The following RLN2 variants were observed in gnomAD, a reference collection of about 807,000 sequenced individuals.
RLN2 encodes the protein prorelaxin H2.
RLN2 carries 10 observed loss-of-function variants against 7.3 expected under a neutral mutation model. The ratio of observed to expected loss-of-function variants is 1.36; its 90% CI spans 0.84 to 2.31. The LOEUF (loss-of-function observed/expected upper bound fraction) is 2.31. RLN2 is among the 30% of genes most tolerant of loss of function. The pLI is 0.00. For synonymous variants in RLN2, 103 were observed against 82.3 expected (o/e 1.25, Z -1.36); for missense variants, 298 against 217.6 (o/e 1.37, Z -2.32).
At chr9:5,302,700 C>G (rs1244097042) in intron 1 of RLN2, among the ~76,000 whole-genome samples, 1 of 152,106 alleles carries the variant, frequency 6.6e-6, no homozygotes, top group Non-Finnish European at 1.5e-5. Context: ...GTATTTTCAG[C>G]AACAATTTAG....
chr9:5,316,865 C>T, the RLN2 span, among the ~76,000 whole-genome samples: 1 of 151,940 alleles, frequency 6.6e-6, no homozygotes, highest in Non-Finnish European at 1.5e-5. Context: ...TGAGGAGTCA[C>T]CACACTGTCT....
chr9:5,335,473 T>C, the RLN2 span: 1 of 1,613,556 alleles, frequency 6.2e-7, no homozygotes, highest in East Asian at 2.2e-5. Flanking sequence ...CATACTGCTG[T>C]AGCTCTGGTA....
the RLN2 span, chr9:5,311,685 A>G: frequency 1.6e-6 from 2 of 1,275,674 alleles, no homozygotes; most frequent in South Asian, 1.2e-5. Flanking sequence ...GACCAGGCAC[A>G]GAAAGCCGAA....
the RLN2 span, among the ~76,000 whole-genome samples, chr9:5,319,376 G>C: frequency 3.0e-4 from 46 of 151,898 alleles, 1 homozygote; most frequent in Non-Finnish European, 4.9e-4. Flanking sequence ...TGGCTCAGGT[G>C]CAGGGAAATG....
the RLN2 span, among the ~76,000 whole-genome samples, chr9:5,337,217 C>G: frequency 6.6e-6 from 1 of 151,902 alleles, no homozygotes; most frequent in African/African-American, 2.4e-5. Context: ...TAGTTGCAGT[C>G]TTATTAAATG....
chr9:5,312,888 T>C, the RLN2 span, among the ~76,000 whole-genome samples: 2 of 152,090 alleles, frequency 1.3e-5, no homozygotes, highest in African/African-American at 4.8e-5. Flanking sequence ...CTGCAATTCC[T>C]TCTCCAAATT....
At chr9:5,300,572 A>T in intron 1 of RLN2, 128 bp from the exon 2 acceptor site, 1 of 646,678 alleles carries the variant, frequency 1.5e-6, no homozygotes, top group East Asian at 2.7e-5. Context: ...GAAACAAAAT[A>T]AGCAAGCATC....
the RLN2 span, among the ~76,000 whole-genome samples, chr9:5,335,868 T>C: frequency 6.1e-4 from 92 of 152,032 alleles, 1 homozygote; most frequent in Admixed American, 1.3e-3. Flanking sequence ...ATCATAGTAC[T>C]TTTGACTCTC....
the RLN2 span, among the ~76,000 whole-genome samples, chr9:5,328,821 C>G: frequency 6.6e-6 from 1 of 151,976 alleles, no homozygotes; most frequent in Non-Finnish European, 1.5e-5. Context: ...AATCTCATAT[C>G]CAGCCAAACT....
upstream of RLN2, among the ~76,000 whole-genome samples, chr9:5,308,439 A>G (rs1187061560): frequency 6.6e-6 from 1 of 151,926 alleles, no homozygotes; most frequent in African/African-American, 2.4e-5. Context: ...TTCAAAAACA[A>G]AAACAAAACA....
At chr9:5,311,432 C>A in the RLN2 span, 18 of 568,422 alleles carry the variant, frequency 3.2e-5, no homozygotes, top group East Asian at 4.6e-4. Context: ...TTAAGTACAT[C>A]ACCACTGCCA....
the RLN2 span, among the ~76,000 whole-genome samples, chr9:5,321,291 G>T: frequency 3.3e-5 from 5 of 152,038 alleles, no homozygotes; most frequent in African/African-American, 7.3e-5. Flanking sequence ...TTTCTTCCAG[G>T]TAAGATCAAA....
chr9:5,300,524 T>C (rs909339480), intron 1 of RLN2, 80 bp from the exon 2 acceptor site: 10 of 935,002 alleles, frequency 1.1e-5, no homozygotes, highest in Non-Finnish European at 1.6e-5. Context: ...AATGTTTGCA[T>C]AGACAAAAAA....
At chr9:5,315,664 A>G in the RLN2 span, among the ~76,000 whole-genome samples, 3 of 152,076 alleles carry the variant, frequency 2.0e-5, no homozygotes, top group Non-Finnish European at 1.5e-5. Flanking sequence ...AAACTGTCAA[A>G]AGCCGAAGAC....
At chr9:5,315,117 C>A in the RLN2 span, among the ~76,000 whole-genome samples, 1 of 151,160 alleles carries the variant, frequency 6.6e-6, no homozygotes, top group Non-Finnish European at 1.5e-5. Flanking sequence ...CAGTAACTGA[C>A]CCCAAAGAAA....
chr9:5,323,665 C>G, the RLN2 span, among the ~76,000 whole-genome samples: 1 of 151,894 alleles, frequency 6.6e-6, no homozygotes, highest in East Asian at 1.9e-4. Flanking sequence ...AATATCTAAC[C>G]TAATAGAATT....
chr9:5,327,084 G>C, the RLN2 span, among the ~76,000 whole-genome samples: 2 of 151,986 alleles, frequency 1.3e-5, no homozygotes, highest in South Asian at 4.2e-4. Context: ...GCTGAAGCAG[G>C]GCGAGGTGTC....
upstream of RLN2, chr9:5,304,881 A>T (rs7024462): frequency 0.016 from 6,012 of 382,750 alleles, 378 homozygotes; most frequent in African/African-American, 0.11. Flanking sequence ...TGTTCTTCTC[A>T]TTCATTACCC....
chr9:5,335,381 C>T, the RLN2 span: 1 of 1,613,568 alleles, frequency 6.2e-7, no homozygotes, highest in East Asian at 2.2e-5. Flanking sequence ...TGAAGGATTG[C>T]TGTCTGCGGC....
Sources: gnomAD v4.1 joint callset for allele counts (sites outside exome capture counted in the v4.1 genomes callset) on GRCh38, gnomAD v4.1.1 for gene constraint, MANE v1.5 for transcripts, NCBI Gene and HGNC (gene_info 2026-07-23, HGNC 2026-07-21) for gene names.